Variants in IL36B observed in about 807,000 individuals in gnomAD.
IL36B encodes interleukin-36 beta.
Under a neutral mutation model 19.3 loss-of-function variants are expected in IL36B, and 23 were observed. That is an observed-to-expected ratio of 1.19 (90% CI 0.86 to 1.69). The LOEUF is 1.69. Ranked by LOEUF, IL36B falls within the 40% of genes most tolerant of loss-of-function variation. The probability of loss-of-function intolerance (pLI) is 0.00; values close to 1 mark genes in which losing one functional copy is unlikely to be tolerated. For synonymous variants in IL36B, 59 were observed against 59.7 expected (o/e 0.99, Z 0.05); for missense variants, 217 against 200.5 (o/e 1.08, Z -0.50).
At chr2:113,024,264 A>C (rs543294725) in intron 5 of IL36B, among the ~76,000 whole-genome samples, 10 of 152,254 alleles carry the variant, frequency 6.6e-5, no homozygotes, top group Admixed American at 5.2e-4. Flanking sequence ...TGAATATTAG[A>C]GTATCTCATA....
chr2:113,027,531 G>A (rs1468910586), intron 4 of IL36B: 1 of 1,029,738 alleles, frequency 9.7e-7, no homozygotes, highest in African/African-American at 1.7e-5. Context: ...TGAAGAAGTT[G>A]TATGAACAAA....
intron 1 of IL36B, among the ~76,000 whole-genome samples, chr2:113,037,887 A>G (rs1030191129): frequency 1.3e-4 from 20 of 152,212 alleles, no homozygotes; most frequent in Non-Finnish European, 2.8e-4. Context: ...ATTTGAAATT[A>G]GGTCAGATTA....
chr2:113,022,825 T>A (rs1684886693), intron 5 of IL36B: 2 of 1,281,248 alleles, frequency 1.6e-6, no homozygotes, highest in Non-Finnish European at 1.1e-6. Context: ...ATGTGGACAT[T>A]TGCTAAACCA....
intron 1 of IL36B, among the ~76,000 whole-genome samples, chr2:113,044,329 T>C (rs1201029557): frequency 1.3e-5 from 2 of 151,110 alleles, no homozygotes; most frequent in Non-Finnish European, 3.0e-5. Flanking sequence ...CATTGCTCTG[T>C]TGCCCAGGCT....
chr2:113,028,411 C>T (rs1216421145), intron 4 of IL36B, among the ~76,000 whole-genome samples: 1 of 152,178 alleles, frequency 6.6e-6, no homozygotes, highest in Admixed American at 6.5e-5. Flanking sequence ...TTTTGATATG[C>T]ATTTGTCTGC....
intron 1 of IL36B, among the ~76,000 whole-genome samples, chr2:113,046,340 G>T (rs1385535656): frequency 6.6e-6 from 1 of 151,664 alleles, no homozygotes. Flanking sequence ...CTCCTGAGTA[G>T]CTGGGACTAC....
chr2:113,051,483 C>T (rs192889260), intron 1 of IL36B, among the ~76,000 whole-genome samples: 5 of 152,318 alleles, frequency 3.3e-5, no homozygotes, highest in South Asian at 2.1e-4. Flanking sequence ...TGCCCACGCG[C>T]TCTCTCAGAT....
intron 1 of IL36B, among the ~76,000 whole-genome samples, chr2:113,034,363 A>G (rs898579350): frequency 1.3e-5 from 2 of 152,114 alleles, no homozygotes; most frequent in African/African-American, 2.4e-5. Flanking sequence ...ACTTCTCAAT[A>G]AGGTATTCCC....
intron 4 of IL36B, among the ~76,000 whole-genome samples, chr2:113,026,855 T>A (rs1160160276): frequency 6.6e-6 from 1 of 152,210 alleles, no homozygotes; most frequent in Non-Finnish European, 1.5e-5. Flanking sequence ...AATGATTTTT[T>A]AAAATATGGA....
chr2:113,052,529 T>C lies in IL36B; in HGVS notation c.-58+288A>G, dbSNP rs1269368765. 2.0e-5 allele frequency among the ~76,000 whole-genome samples: 3 copies of C among 152,356 alleles called. No individual in the cohort carries two copies. The East Asian group carries it at 5.8e-4, about 29-fold the overall frequency. ...ATGGGAATAAGCATAGCACTTACCT[T>C]AGAGGACTGATGTGGGAATGAGGCA... On this transcript the variant is annotated intron_variant, in intron 1 of 5. Coordinates refer to ENST00000259213, the MANE Select transcript of IL36B (RefSeq NM_014438.5).
At chr2:113,033,151 A>G (rs1685109707) in intron 1 of IL36B, among the ~76,000 whole-genome samples, 1 of 152,254 alleles carries the variant, frequency 6.6e-6, no homozygotes. Flanking sequence ...TTTATATGGT[A>G]CAAATATTGA....
chr2:113,038,585 T>C (rs1294974519), intron 1 of IL36B, among the ~76,000 whole-genome samples: 1 of 152,148 alleles, frequency 6.6e-6, no homozygotes, highest in Non-Finnish European at 1.5e-5. Flanking sequence ...AGATGTGCGG[T>C]TCTGGGTGAC....
intron 1 of IL36B, among the ~76,000 whole-genome samples, chr2:113,037,182 C>T (rs13407508): frequency 0.48 from 72,349 of 152,078 alleles, 17,794 homozygotes; most frequent in East Asian, 0.69. Context: ...TCAACGTCCA[C>T]GAGGCTGTGT....
At chr2:113,030,994 C>G (rs1407771345) in intron 3 of IL36B, 54 bp downstream of exon 3, 15 of 1,293,882 alleles carry the variant, frequency 1.2e-5, no homozygotes, top group Non-Finnish European at 1.6e-5. Context: ...AGCCTCATTC[C>G]TGGTGAAGAT....
At chr2:113,026,800 AC>A (rs1281720448) in intron 4 of IL36B, among the ~76,000 whole-genome samples, 1 of 152,214 alleles carries the variant, frequency 6.6e-6, no homozygotes, top group Admixed American at 6.5e-5. Flanking sequence ...AAACAAAAAA[AC>A]ATTCAGTTCT....
At chr2:113,044,992 T>C (rs1407859874) in intron 1 of IL36B, among the ~76,000 whole-genome samples, 1 of 152,196 alleles carries the variant, frequency 6.6e-6, no homozygotes, top group African/African-American at 2.4e-5. Context: ...CCTATTTTTG[T>C]CATTCGTTTT....
At chr2:113,047,980 C>A (rs1241878079) in intron 1 of IL36B, among the ~76,000 whole-genome samples, 1 of 151,940 alleles carries the variant, frequency 6.6e-6, no homozygotes, top group Non-Finnish European at 1.5e-5. Context: ...TAGAAAACAG[C>A]AAGATGGTAG....
intron 1 of IL36B, among the ~76,000 whole-genome samples, chr2:113,050,767 C>T (rs368696343): frequency 3.3e-5 from 5 of 152,174 alleles, no homozygotes; most frequent in Admixed American, 6.5e-5. Flanking sequence ...GAGGAGCCCA[C>T]GAAAGCCACA....
chr2:113,029,139 C>T, intron 3 of IL36B, 61 bp from the exon 4 acceptor site: 4 of 1,541,470 alleles, frequency 2.6e-6, no homozygotes, highest in Non-Finnish European at 3.5e-6. Context: ...CACTCAGTTA[C>T]TCCCCCCAGG....
Sources: gnomAD v4.1 joint callset for allele counts (sites outside exome capture counted in the v4.1 genomes callset) on GRCh38, gnomAD v4.1.1 for gene constraint, MANE v1.5 for transcripts, NCBI Gene and HGNC (gene_info 2026-07-23, HGNC 2026-07-21) for gene names.